Variants in MSRA observed in about 807,000 individuals in gnomAD.
MSRA encodes the protein mitochondrial peptide methionine sulfoxide reductase.
MSRA carries 54 observed loss-of-function variants against 31.3 expected under a neutral mutation model. The observed-to-expected ratio is 1.73, with a 90% CI of 1.39 to 2.17. The LOEUF is 2.17. MSRA is among the 30% of genes most tolerant of loss of function. The pLI, the probability that MSRA is intolerant of heterozygous loss-of-function variation, is 0.00. For missense variants in MSRA, 507 were observed against 300.9 expected (o/e 1.69, Z -5.07); for synonymous variants, 169 against 116.5 (o/e 1.45, Z -2.90).
At chr8:10,373,106 G>T (rs1805568289) in intron 5 of MSRA, among the ~76,000 whole-genome samples, 1 of 152,170 alleles carries the variant, frequency 6.6e-6, no homozygotes, top group African/African-American at 2.4e-5. Context: ...GGCCAGGCTG[G>T]TCTCAAACTC....
chr8:10,099,465 T>C (rs953667872), intron 1 of MSRA, among the ~76,000 whole-genome samples: 15 of 152,314 alleles, frequency 9.8e-5, no homozygotes, highest in African/African-American at 3.4e-4. Flanking sequence ...AGGTACCTTT[T>C]CAGGTTACCA....
intron 5 of MSRA, among the ~76,000 whole-genome samples, chr8:10,381,166 C>T (rs934663667): frequency 2.0e-5 from 3 of 152,150 alleles, no homozygotes; most frequent in African/African-American, 7.2e-5. Flanking sequence ...AAACCTTTCC[C>T]CTCTGTGACC....
intron 5 of MSRA, among the ~76,000 whole-genome samples, chr8:10,414,903 G>T (rs1008610053): frequency 6.6e-6 from 1 of 152,194 alleles, no homozygotes; most frequent in Non-Finnish European, 1.5e-5. Flanking sequence ...CAAAGACAGG[G>T]ACAGGGAAAG....
Position 10,377,340 on chromosome 8 carries a change from A to G in MSRA, c.544-50808A>G, listed in dbSNP as rs111971422. Among the ~76,000 whole-genome samples, 1,069 of 152,346 alleles carry G rather than the reference A, an allele frequency of 7.0e-3. 15 individuals carry two copies. Among genetic ancestry groups the G allele is most frequent in the African/African-American group, 0.024 (1,011 of 41,578 alleles). On this transcript the variant is annotated intron_variant, in intron 5 of 5. Coordinates refer to ENST00000317173, the MANE Select transcript of MSRA (RefSeq NM_012331.5). ...TGCCAGCATCTACGTGGGACTTCTG[A>G]TTTGAGGCACAGTTTGCTTTATAAA...
intron 3 of MSRA, among the ~76,000 whole-genome samples, chr8:10,246,475 T>C (rs1797629130): frequency 6.6e-6 from 1 of 152,228 alleles, no homozygotes; most frequent in Admixed American, 6.5e-5. Flanking sequence ...TCTGGAGTTA[T>C]AGTCCACTAT....
intron 5 of MSRA, among the ~76,000 whole-genome samples, chr8:10,351,499 G>A (rs1314659769): frequency 6.6e-6 from 1 of 152,048 alleles, no homozygotes; most frequent in African/African-American, 2.4e-5. Flanking sequence ...TGATCCACCC[G>A]CTTCAGCCTC....
chr8:10,097,759 C>T (rs893442946), intron 1 of MSRA, among the ~76,000 whole-genome samples: 1 of 152,064 alleles, frequency 6.6e-6, no homozygotes, highest in South Asian at 2.1e-4. Flanking sequence ...CAATTATTTT[C>T]CAGCAGTATG....
chr8:10,152,921 A>G (rs1050163655), intron 1 of MSRA, among the ~76,000 whole-genome samples: 1 of 152,214 alleles, frequency 6.6e-6, no homozygotes, highest in African/African-American at 2.4e-5. Context: ...GACACATACT[A>G]TGTAATTCCA....
intron 4 of MSRA, among the ~76,000 whole-genome samples, chr8:10,303,798 T>G (rs1157480867): frequency 6.6e-6 from 1 of 152,228 alleles, no homozygotes; most frequent in Non-Finnish European, 1.5e-5. Context: ...TCAGCTGGCT[T>G]TGTTTTTCTT....
chr8:10,209,967 A>G (rs1809328674), intron 2 of MSRA, among the ~76,000 whole-genome samples: 1 of 152,200 alleles, frequency 6.6e-6, no homozygotes, highest in South Asian at 2.1e-4. Context: ...TGCTTAAATT[A>G]AGGCCTTATT....
chr8:10,392,913 T>G (rs1258879280), intron 5 of MSRA, among the ~76,000 whole-genome samples: 2 of 72,280 alleles, frequency 2.8e-5, no homozygotes, highest in Admixed American at 2.7e-4. Context: ...AAAAAAAAAA[T>G]TAGCCGGCAG....
chr8:10,060,292 A>G (rs557005550), intron 1 of MSRA, among the ~76,000 whole-genome samples: 22 of 152,354 alleles, frequency 1.4e-4, no homozygotes, highest in East Asian at 5.8e-4. Flanking sequence ...AGAATGTGGA[A>G]CATCTGTGTG....
chr8:10,315,311 A>G lies in MSRA; in HGVS notation c.437-4572A>G, dbSNP rs1801649910. On this transcript the variant is annotated intron_variant, in intron 4 of 5. Coordinates refer to ENST00000317173, the MANE Select transcript of MSRA (RefSeq NM_012331.5). ...TTCTGAATGTGTCCGTGTGCTAAAG[A>G]AATTATTGCAAAAACCAGGTGTGGT... Among the ~76,000 whole-genome samples the G allele has an allele frequency of 2.0e-5, 3 of 152,186 alleles. No homozygotes were observed. The South Asian group carries it at 6.2e-4, about 32-fold the overall frequency.
intron 1 of MSRA, among the ~76,000 whole-genome samples, chr8:10,173,450 A>C (rs1014057027): frequency 6.6e-6 from 1 of 152,216 alleles, no homozygotes; most frequent in African/African-American, 2.4e-5. Flanking sequence ...TTCAATAGTT[A>C]GCCTCACCTT....
intron 1 of MSRA, among the ~76,000 whole-genome samples, chr8:10,078,289 A>T (rs1022486549): frequency 1.4e-4 from 21 of 152,228 alleles, no homozygotes; most frequent in African/African-American, 5.1e-4. Flanking sequence ...CGAGTGTAAT[A>T]CCCATGGTAG....
At chr8:10,175,505 G>C (rs1805970715) in intron 1 of MSRA, among the ~76,000 whole-genome samples, 1 of 152,160 alleles carries the variant, frequency 6.6e-6, no homozygotes, top group Admixed American at 6.5e-5. Flanking sequence ...ACAAATTTTA[G>C]TCTGATGATC....
chr8:10,154,820 G>T (rs1034801819), intron 1 of MSRA, among the ~76,000 whole-genome samples: 3 of 151,794 alleles, frequency 2.0e-5, no homozygotes, highest in Non-Finnish European at 2.9e-5. Flanking sequence ...TATTGAAAAA[G>T]ATTTTAATTT....
chr8:10,059,815 G>C (rs1032157506), intron 1 of MSRA, among the ~76,000 whole-genome samples: 4 of 152,190 alleles, frequency 2.6e-5, no homozygotes, highest in Non-Finnish European at 5.9e-5. Context: ...TGGCAAGGTA[G>C]ACGTTAGGTT....
At chr8:10,307,587 A>G (rs902755245) in intron 4 of MSRA, among the ~76,000 whole-genome samples, 3 of 152,240 alleles carry the variant, frequency 2.0e-5, no homozygotes, top group South Asian at 2.1e-4. Flanking sequence ...TGCCTATCAT[A>G]TTCACCACTT....
Sources: gnomAD v4.1 joint callset for allele counts (sites outside exome capture counted in the v4.1 genomes callset) on GRCh38, gnomAD v4.1.1 for gene constraint, MANE v1.5 for transcripts, NCBI Gene and HGNC (gene_info 2026-07-23, HGNC 2026-07-21) for gene names.